Variants in CTSD observed in about 807,000 individuals in gnomAD.
The protein encoded by CTSD is ceroid-lipofuscinosis, neuronal 10.
In CTSD, 28 loss-of-function variants were observed where a neutral mutation model predicts 43.6. The observed-to-expected ratio is 0.64, with a 90% confidence interval of 0.48 to 0.88. The LOEUF is 0.88. Among genes scored for constraint, CTSD ranks in the 40% least tolerant of loss-of-function variants. The pLI, the probability that CTSD is intolerant of heterozygous loss-of-function variation, is 0.00. For synonymous variants in CTSD, 270 were observed against 249.8 expected, an observed-to-expected ratio of 1.08 and a Z score of -0.76; for missense variants, 485 against 555.2, an observed-to-expected ratio of 0.87 and a Z score of 1.27.
At chr11:1,755,102 G>C (rs2292963) in intron 5 of CTSD, 74 bp from the exon 6 acceptor site, 2 of 1,580,736 alleles carry the variant, frequency 1.3e-6, no homozygotes, top group Admixed American at 3.3e-5. Flanking sequence ...GAGTAAGAGG[G>C]TGAATGTGGC....
rs938973656 is a variant in CTSD at position 1,753,783 on chromosome 11, G to A, written c.1071+20C>T. ...ACCGCCCGCTCACCTGGGGCGTGCG[G>A]CACCCCATTGCCCGCTCACCTTGAG... is the stretch of plus-strand genomic sequence containing the variant. On this transcript the variant is annotated intron_variant, in intron 8 of 8. Transcript: ENST00000236671. 6.2e-6 allele frequency: 10 copies of A among 1,611,238 alleles called. No homozygotes were observed. Among genetic ancestry groups the A allele is most frequent in the Non-Finnish European group, 7.6e-6 (9 of 1,178,322 alleles).
chr11:1,763,339 A>G (rs1452276192), intron 1 of CTSD, among the ~76,000 whole-genome samples: 1 of 152,106 alleles, frequency 6.6e-6, no homozygotes, highest in Non-Finnish European at 1.5e-5. Flanking sequence ...CAAACTTTTA[A>G]AGCCCCCAGT....
chr11:1,755,077 A>G (rs766497134), intron 5 of CTSD, 49 bp from the exon 6 acceptor site: 1 of 1,611,912 alleles, frequency 6.2e-7, no homozygotes. Flanking sequence ...CCCAAGCACA[A>G]GAGTGCCAGG....
chr11:1,754,183 GCCCTGGGGGCCCAGTGCCCCT>G (rs1450159906), intron 6 of CTSD, 45 bp from the exon 7 acceptor site: 4 of 1,587,102 alleles, frequency 2.5e-6, no homozygotes, highest in Non-Finnish European at 3.4e-6. Flanking sequence ...ACTGGAGTGT[GCCCTGGGGGCCCAGTGCCCCT>G]CCCTGGGAGC....
chr11:1,757,237 C>A (rs1845820447), intron 5 of CTSD, 87 bp downstream of exon 5: 7 of 1,083,628 alleles, frequency 6.5e-6, no homozygotes, highest in Admixed American at 3.9e-5. Flanking sequence ...GAGGGGGCAG[C>A]ACTGAGAGGG....
intron 5 of CTSD, among the ~76,000 whole-genome samples, 184 bp downstream of exon 5, chr11:1,757,140 C>A (rs1845819266): frequency 6.6e-6 from 1 of 152,244 alleles, no homozygotes; most frequent in Non-Finnish European, 1.5e-5. Context: ...CTCTGTGCTG[C>A]CGCTTACTCC....
intron 4 of CTSD, among the ~76,000 whole-genome samples, chr11:1,758,249 C>A (rs1162431152): frequency 1.3e-5 from 2 of 152,190 alleles, no homozygotes; most frequent in Non-Finnish European, 2.9e-5. Flanking sequence ...AAGGGGCCCT[C>A]TTCCCGGGTC....
At chr11:1,756,236 G>A (rs1267386551) in intron 5 of CTSD, among the ~76,000 whole-genome samples, 1 of 152,018 alleles carries the variant, frequency 6.6e-6, no homozygotes, top group Non-Finnish European at 1.5e-5. Flanking sequence ...GGGCACTCAT[G>A]CCTGCATGCC....
In CTSD at chr11:1,763,785, G is replaced by A; in HGVS notation, c.68+7C>T. On this transcript the variant is annotated splice_region_variant and intron_variant, in intron 1 of 8. Transcript: ENST00000236671. Reference sequence around the variant, plus strand: ...CCGTCCCTGAGCCCCGGCCCCTGAGGCTTCACCTGACGAGCGCGGAGGCGG... The same window carrying A: ...CCGTCCCTGAGCCCCGGCCCCTGAGACTTCACCTGACGAGCGCGGAGGCGG... 1 of 1,524,614 alleles carries A rather than the reference G, an allele frequency of 6.6e-7. No individual in the cohort carries two copies. The highest frequency in any genetic ancestry group is 8.8e-7 in the Non-Finnish European group (1 of 1,142,538). The allele number at this position is 1,524,614 out of a possible 1,614,324, so 94.4% of individuals were successfully genotyped here.
rs1324948339 is a variant in CTSD at position 1,754,381 on chromosome 11, GC to G, written c.828-244del. On this transcript the variant is annotated intron_variant, in intron 6 of 8. Coordinates refer to ENST00000236671, the MANE Select transcript of CTSD (RefSeq NM_001909.5). ...ATGGAGGGATGGAGGGGATGGAGGG[GC>G]ATAGAGGGATGGAGGGGATGGAGGG... The G allele has an allele frequency of 7.9e-5, 44 of 557,354 alleles. 1 individual carries two copies. The highest frequency in any genetic ancestry group is 7.3e-4 in the South Asian group (36 of 49,214). The allele number at this position is 557,354 out of a possible 1,614,324, so 34.5% of individuals were successfully genotyped here.
intron 4 of CTSD, chr11:1,758,022 C>A (rs576646729): frequency 4.1e-6 from 1 of 242,744 alleles, no homozygotes; most frequent in African/African-American, 2.3e-5. Flanking sequence ...CTGGATGAGG[C>A]TGCAGAGAGA....
intron 3 of CTSD, 25 bp downstream of exon 3, chr11:1,759,491 G>C: frequency 1.2e-6 from 2 of 1,612,518 alleles, no homozygotes; most frequent in Non-Finnish European, 1.7e-6. Context: ...GGACCTGGGC[G>C]ACGGGGCCAG....
rs1845751333 is a variant in CTSD at position 1,753,390 on chromosome 11, A to AGGACAGT, written c.*106_*112dup. The AGGACAGT allele has an allele frequency of 7.4e-7, 1 of 1,353,382 alleles. No individual in the cohort carries two copies. Among genetic ancestry groups the AGGACAGT allele is most frequent in the Non-Finnish European group, 1.1e-6 (1 of 949,356 alleles). The allele number at this position is 1,353,382 out of a possible 1,614,324, so 83.8% of individuals were successfully genotyped here. A position where few individuals can be genotyped will look rare whatever the true frequency, so the allele number is the denominator to read the frequency against. ...TGGGCCGCCGGCTTCCAGGGCGCCCAGGACAGTGGGCGGGCGAGTGTGTGG... is the reference window on the plus strand; with the variant it reads ...TGGGCCGCCGGCTTCCAGGGCGCCCAGGACAGTGGACAGTGGGCGGGCGAGTGTGTGG... On this transcript the variant is annotated 3_prime_UTR_variant, in exon 9 of 9. Transcript: ENST00000236671.
chr11:1,759,180 G>A (rs1590907322), intron 3 of CTSD, 93 bp from the exon 4 acceptor site: 7 of 1,057,702 alleles, frequency 6.6e-6, no homozygotes, highest in African/African-American at 1.6e-5. Flanking sequence ...CATGGAGCCC[G>A]CACCCCCCAA....
At chr11:1,756,917 C>A (rs114112241) in intron 5 of CTSD, among the ~76,000 whole-genome samples, 1,687 of 152,338 alleles carry the variant, frequency 0.011, 38 homozygotes, top group African/African-American at 0.039. Flanking sequence ...CCCCTGGGCA[C>A]CATGACCCTC....
At chr11:1,754,353 G>A in intron 6 of CTSD, 1 of 613,530 alleles carries the variant, frequency 1.6e-6, no homozygotes, top group Non-Finnish European at 2.9e-6. Flanking sequence ...GGTGGTGAGG[G>A]GCATGGAGGG....
At chr11:1,761,774 A>C (rs1039898150) in intron 1 of CTSD, 4 of 475,056 alleles carry the variant, frequency 8.4e-6, no homozygotes, top group Non-Finnish European at 1.2e-5. Flanking sequence ...GCCATTCTGG[A>C]GGCTCCAAAG....
chr11:1,753,554 C>G lies in CTSD; in HGVS notation c.1188G>C (p.Val396=). The stretch of plus-strand genomic sequence containing the variant: ...CCACCCTGTTGTTGTCACGGTCAAA[C>G]ACAGTGTAGTAGCGGCCGATGAAGA... ...GDVFIGRYYT[V]FDRDNNRVGF... is the part of the protein sequence containing the mutation. Residue 396 remains valine (V), a synonymous_variant, in exon 9 of 9, where the codon GTG becomes GTC. Transcript: ENST00000236671. 6.2e-7 allele frequency: 1 copy of G among 1,613,090 alleles called. No homozygotes were observed.
At position 1,763,920 on chromosome 11, in the gene CTSD, C is replaced by T; in HGVS notation, c.-61G>A. 7.0e-7 allele frequency: 1 copy of T among 1,435,492 alleles called. No individual in the cohort carries two copies. The highest frequency in any genetic ancestry group is 9.3e-7 in the Non-Finnish European group (1 of 1,072,338). 88.9% of individuals were successfully genotyped at this position (1,435,492 alleles called of 1,614,324 possible). On this transcript the variant is annotated 5_prime_UTR_variant, in exon 1 of 9. Coordinates refer to ENST00000236671, the MANE Select transcript of CTSD (RefSeq NM_001909.5). Reference sequence around the variant, plus strand: ...CCGTGCGCTTATAGCCGGGATGACGCCGCAGTTGGGCCGGATCAGCTGACC... The same window carrying T: ...CCGTGCGCTTATAGCCGGGATGACGTCGCAGTTGGGCCGGATCAGCTGACC...
Sources: allele counts gnomAD v4.1 joint callset (sites outside exome capture counted in the v4.1 genomes callset), GRCh38; gene constraint gnomAD v4.1.1; transcripts MANE v1.5; gene names NCBI Gene and HGNC (gene_info 2026-07-23, HGNC 2026-07-21).